The following PACRG variants were observed in gnomAD, a reference collection of about 807,000 sequenced individuals.
PACRG encodes the protein parkin coregulated gene protein.
PACRG carries 29 observed loss-of-function variants against 29.7 expected under a neutral mutation model. The ratio of observed to expected loss-of-function variants is 0.98; its 90% confidence interval spans 0.73 to 1.33. The LOEUF is 1.33. Among genes scored for constraint, PACRG ranks in the 40% most tolerant of loss-of-function variants. PACRG has a pLI of 0.00. For missense variants in PACRG, 279 were observed against 316.2 expected, an observed-to-expected ratio of 0.88 and a Z score of 0.89; for synonymous variants, 116 against 118.7, an observed-to-expected ratio of 0.98 and a Z score of 0.15.
chr6:162,922,870 A>C (rs1797165856), intron 2 of PACRG, among the ~76,000 whole-genome samples: 1 of 152,220 alleles, frequency 6.6e-6, no homozygotes, highest in Non-Finnish European at 1.5e-5. Context: ...CAATAAATAC[A>C]GAGATGCAGA....
intron 2 of PACRG, among the ~76,000 whole-genome samples, chr6:162,860,664 A>G (rs1791786147): frequency 6.6e-6 from 1 of 152,232 alleles, no homozygotes; most frequent in African/African-American, 2.4e-5. Flanking sequence ...GGTTTCTCTC[A>G]AATTCCTGAT....
intron 2 of PACRG, among the ~76,000 whole-genome samples, chr6:163,015,884 G>A (rs965057985): frequency 9.2e-5 from 14 of 152,126 alleles, no homozygotes; most frequent in African/African-American, 3.4e-4. Context: ...ATGTATTTGA[G>A]TGACTAGAAA....
intron 4 of PACRG, among the ~76,000 whole-genome samples, chr6:163,277,498 C>CAT (rs1585393842): frequency 3.3e-5 from 2 of 59,846 alleles, no homozygotes; most frequent in Admixed American, 1.5e-4. Context: ...TATATATACA[C>CAT]ACATACACAC....
intron 4 of PACRG, among the ~76,000 whole-genome samples, chr6:163,284,797 T>C (rs1253644499): frequency 6.6e-6 from 1 of 152,114 alleles, no homozygotes; most frequent in Non-Finnish European, 1.5e-5. Context: ...GCCTTTGTCC[T>C]CCCCTGTTGC....
intron 4 of PACRG, among the ~76,000 whole-genome samples, chr6:163,202,535 A>G (rs1163468955): frequency 6.6e-6 from 1 of 152,154 alleles, no homozygotes; most frequent in Non-Finnish European, 1.5e-5. Flanking sequence ...GCCAGCAGTA[A>G]TAGAACAAGC....
At chr6:163,126,913 G>A (rs1816539440) in intron 4 of PACRG, among the ~76,000 whole-genome samples, 2 of 152,212 alleles carry the variant, frequency 1.3e-5, no homozygotes, top group Non-Finnish European at 1.5e-5. Context: ...TGCTGGCCAG[G>A]TCAGATGCCA....
rs1446172961 is a variant in PACRG, at chr6:162,814,202, C to G, written c.212C>G (p.Ala71Gly). Residue 71 changes from alanine to glycine, a missense_variant, in exon 2 of 5, where the codon GCA becomes GGA. Physicochemically the swap from Ala to Gly is moderately conservative, Grantham distance 60. Transcript: ENST00000366888. ...AFKERPTKPT[A>G]FRKFYERGDF... ...AAAGAAAGACCAACCAAGCCCACAGCATTTCGAAAATTCTATGAGCGAGGT... is the reference window on the plus strand; with the variant it reads ...AAAGAAAGACCAACCAAGCCCACAGGATTTCGAAAATTCTATGAGCGAGGT... The G allele has an allele frequency of 1.2e-6, 2 of 1,613,832 alleles. No individual in the cohort carries two copies. Among genetic ancestry groups the G allele is most frequent in the Non-Finnish European group, 8.5e-7 (1 of 1,179,864 alleles).
chr6:162,886,932 G>C (rs1794387272), intron 2 of PACRG, among the ~76,000 whole-genome samples: 1 of 152,168 alleles, frequency 6.6e-6, no homozygotes, highest in Non-Finnish European at 1.5e-5. Flanking sequence ...TTTTGAGACA[G>C]AGTCTCACCC....
chr6:163,084,236 A>T (rs1213417238), intron 3 of PACRG, among the ~76,000 whole-genome samples: 1 of 152,200 alleles, frequency 6.6e-6, no homozygotes, highest in Non-Finnish European at 1.5e-5. Flanking sequence ...CAGGCCCATC[A>T]ACAAAAGAAT....
At chr6:163,019,605 G>T (rs1326980097) in intron 2 of PACRG, among the ~76,000 whole-genome samples, 1 of 152,126 alleles carries the variant, frequency 6.6e-6, no homozygotes, top group South Asian at 2.1e-4. Flanking sequence ...TTCCCATTCT[G>T]GAATCAGGAG....
intron 4 of PACRG, among the ~76,000 whole-genome samples, chr6:163,093,454 G>A (rs1472766041): frequency 1.3e-5 from 2 of 152,216 alleles, no homozygotes; most frequent in African/African-American, 2.4e-5. Flanking sequence ...AAAACAATAG[G>A]AATCTTCAAT....
chr6:163,227,983 T>C (rs1003859517), intron 4 of PACRG, among the ~76,000 whole-genome samples: 1 of 152,140 alleles, frequency 6.6e-6, no homozygotes, highest in African/African-American at 2.4e-5. Context: ...TTAAAGATCA[T>C]ACAGACAGGC....
chr6:163,286,948 T>C (rs1432583438), intron 4 of PACRG, among the ~76,000 whole-genome samples: 1 of 152,148 alleles, frequency 6.6e-6, no homozygotes, highest in Admixed American at 6.6e-5. Context: ...GGATGTGTGC[T>C]TGCATATGTG....
chr6:162,970,264 C>G (rs1451341088), intron 2 of PACRG, among the ~76,000 whole-genome samples: 5 of 152,128 alleles, frequency 3.3e-5, no homozygotes, highest in Non-Finnish European at 5.9e-5. Flanking sequence ...CTTGAAATGC[C>G]ACGTGGAGCT....
chr6:163,217,491 C>T lies in PACRG; in HGVS notation c.614-97336C>T, dbSNP rs372415882. Among the ~76,000 whole-genome samples, 35 of 152,310 alleles carry T rather than the reference C, an allele frequency of 2.3e-4. No homozygotes were observed. The East Asian group carries it at 4.1e-3, about 18-fold the overall frequency. On this transcript the variant is annotated intron_variant, in intron 4 of 4. Coordinates refer to ENST00000366888, the MANE Select transcript of PACRG (RefSeq NM_001080379.2). ...TTGATCATGATTCTCAAATAGGCAA[C>T]AATCTTTCTACATACCCCGAGGGTA...
intron 4 of PACRG, among the ~76,000 whole-genome samples, chr6:163,175,118 C>T (rs1178979975): frequency 6.6e-6 from 1 of 152,176 alleles, no homozygotes; most frequent in Non-Finnish European, 1.5e-5. Flanking sequence ...ACCCAGAACT[C>T]TATACCTCTC....
chr6:163,126,227 A>G (rs1301872844), intron 4 of PACRG, among the ~76,000 whole-genome samples: 1 of 152,190 alleles, frequency 6.6e-6, no homozygotes, highest in African/African-American at 2.4e-5. Flanking sequence ...TAAGATACCA[A>G]AATACAATGG....
chr6:163,301,802 TTAAATTAATATAAACA>T (rs1198757511), intron 4 of PACRG, among the ~76,000 whole-genome samples: 1 of 152,192 alleles, frequency 6.6e-6, no homozygotes, highest in Non-Finnish European at 1.5e-5. Flanking sequence ...CAACAGCACG[TTAAATTAATATAAACA>T]TAATGCATAT....
rs79954237 is a variant in PACRG, at chr6:162,984,604, A to T, written c.292-77546A>T. On this transcript the variant is annotated intron_variant, in intron 2 of 4. Coordinates refer to ENST00000366888, the MANE Select transcript of PACRG (RefSeq NM_001080379.2). ...TTGAGGAATCTCCACACTGTTTTTC[A>T]TAGTGGTTGTACTAGTTTACATTCC... 4.5e-3 allele frequency among the ~76,000 whole-genome samples: 686 copies of T among 152,094 alleles called. 5 individuals are homozygous for T. Among genetic ancestry groups the T allele is most frequent in the African/African-American group, 0.016 (657 of 41,506 alleles).
Sources: allele counts gnomAD v4.1 joint callset (sites outside exome capture counted in the v4.1 genomes callset), GRCh38; gene constraint gnomAD v4.1.1; transcripts MANE v1.5; gene names NCBI Gene and HGNC (gene_info 2026-07-23, HGNC 2026-07-21).